PCDH11X: variants seen among roughly 807,000 people sequenced by gnomAD.
The protein encoded by PCDH11X is protocadherin-11 X-linked.
In PCDH11X, 18 loss-of-function variants were observed where a neutral mutation model predicts 53.3. The observed-to-expected ratio is 0.34, with a 90% CI of 0.23 to 0.50. PCDH11X has a LOEUF of 0.50. PCDH11X is among the 20% of genes least tolerant of loss of function. The probability of loss-of-function intolerance (pLI) is 0.98; values close to 1 mark genes in which losing one functional copy is unlikely to be tolerated. For missense variants in PCDH11X, 570 were observed against 1,032.4 expected (o/e 0.55, Z 6.14); for synonymous variants, 279 against 393.3 (o/e 0.71, Z 3.44).
At chrX:92,365,577 A>G (rs1193235003) in intron 8 of PCDH11X, among the ~76,000 whole-genome samples, 2 of 111,194 alleles carry the variant, frequency 1.8e-5, no homozygotes, top group Non-Finnish European at 3.8e-5. Flanking sequence ...CCACAAACAC[A>G]TGAGTAATGC....
intron 6 of PCDH11X, among the ~76,000 whole-genome samples, chrX:91,988,849 C>T (rs967052831): frequency 3.6e-5 from 4 of 111,600 alleles, no homozygotes; most frequent in Non-Finnish European, 7.5e-5. Flanking sequence ...TTATACTACT[C>T]AATGTGAATA....
intron 8 of PCDH11X, among the ~76,000 whole-genome samples, chrX:92,298,833 C>T (rs6522518): frequency 0.04 from 4,410 of 111,168 alleles, 98 homozygotes; most frequent in South Asian, 0.086. Flanking sequence ...GGGACAAGGC[C>T]TGAAAAATAT....
intron 8 of PCDH11X, among the ~76,000 whole-genome samples, chrX:92,354,840 A>T (rs5984934): frequency 0.02 from 2,256 of 111,681 alleles, 54 homozygotes; most frequent in African/African-American, 0.068. Context: ...GAAATTCAGC[A>T]TCATAAAGCT....
At chrX:92,165,676 C>T (rs2065721366) in intron 6 of PCDH11X, among the ~76,000 whole-genome samples, 1 of 111,667 alleles carries the variant, frequency 9.0e-6, no homozygotes. Context: ...CAATTTAAAA[C>T]TGGTCCATGT....
chrX:92,617,576 T>C (rs1485371821), intron 10 of PCDH11X, among the ~76,000 whole-genome samples: 1 of 110,046 alleles, frequency 9.1e-6, no homozygotes, highest in Non-Finnish European at 1.9e-5. Context: ...TGTATAATAT[T>C]TTTATTGATG....
chrX:92,142,370 G>GCACACA (rs201418320), intron 6 of PCDH11X, among the ~76,000 whole-genome samples: 35 of 95,575 alleles, frequency 3.7e-4, no homozygotes, highest in African/African-American at 6.8e-4. Context: ...GTGCGCGCGC[G>GCACACA]CACACACACA....
At chrX:92,181,561 T>C (rs2065998469) in intron 6 of PCDH11X, among the ~76,000 whole-genome samples, 1 of 111,548 alleles carries the variant, frequency 9.0e-6, no homozygotes, top group Admixed American at 9.5e-5. Context: ...CCCCTCCCAT[T>C]ACAGGCCCAG....
At chrX:92,414,027 G>A (rs941589686) in intron 9 of PCDH11X, among the ~76,000 whole-genome samples, 1 of 108,226 alleles carries the variant, frequency 9.2e-6, no homozygotes, top group Non-Finnish European at 1.9e-5. Context: ...AGGAAGAAGT[G>A]CTGGTCTGTT....
intron 9 of PCDH11X, among the ~76,000 whole-genome samples, chrX:92,392,879 A>G (rs1414074973): frequency 5.9e-4 from 64 of 107,750 alleles, no homozygotes; most frequent in Non-Finnish European, 1.2e-3. Context: ...TCAAGGAGAA[A>G]ATATGATTCA....
chrX:92,315,831 T>C (rs986157710), intron 8 of PCDH11X, among the ~76,000 whole-genome samples: 14 of 109,862 alleles, frequency 1.3e-4, no homozygotes, highest in African/African-American at 4.3e-4. Context: ...CCACCACCCC[T>C]GGCCTGAATT....
chrX:92,213,414 C>A (rs1308861260), intron 7 of PCDH11X, among the ~76,000 whole-genome samples: 1 of 111,655 alleles, frequency 9.0e-6, no homozygotes, highest in African/African-American at 3.3e-5. Context: ...GAAACTGAGG[C>A]TCAGAGAGGT....
At chrX:91,863,565 C>T (rs1331407458) in intron 5 of PCDH11X, among the ~76,000 whole-genome samples, 2 of 111,499 alleles carry the variant, frequency 1.8e-5, no homozygotes, top group Non-Finnish European at 3.8e-5. Flanking sequence ...CATTCTTTGT[C>T]TTTTAATTGA....
intron 6 of PCDH11X, among the ~76,000 whole-genome samples, chrX:92,137,924 G>T (rs1219105338): frequency 4.6e-5 from 5 of 108,206 alleles, no homozygotes; most frequent in Non-Finnish European, 9.6e-5. Context: ...CTGTGCCATG[G>T]TGGTTTGCTG....
rs765498191 is a variant in PCDH11X at position 92,476,186 on chromosome X, A to G, written c.3367+7864A>G. 4.0e-4 allele frequency among the ~76,000 whole-genome samples: 38 copies of G among 95,851 alleles called. 1 individual carries two copies. Among genetic ancestry groups the G allele is most frequent in the Admixed American group, 1.3e-3 (12 of 9,254 alleles). The allele number at this position is 95,851 out of a possible 115,157, so 83.2% of individuals were successfully genotyped here. ...TCTCTCTTTCCTGCTGCCATGTGAG[A>G]TGTAACTTTGCTCTTCCTTGCCTTC... On this transcript the variant is annotated intron_variant, in intron 10 of 10. Coordinates refer to ENST00000682573, the MANE Select transcript of PCDH11X (RefSeq NM_032968.5).
intron 8 of PCDH11X, among the ~76,000 whole-genome samples, chrX:92,278,577 A>G (rs1328543630): frequency 2.7e-5 from 3 of 110,544 alleles, no homozygotes; most frequent in Non-Finnish European, 5.7e-5. Flanking sequence ...CAAGGTGCTC[A>G]GTGGGGGAGC....
chrX:92,352,417 T>C (rs892519500), intron 8 of PCDH11X, among the ~76,000 whole-genome samples: 1 of 111,808 alleles, frequency 8.9e-6, no homozygotes, highest in African/African-American at 3.3e-5. Context: ...TCTCCATAAA[T>C]TGGACTTCAC....
chrX:92,087,796 C>T (rs947652161), intron 6 of PCDH11X, among the ~76,000 whole-genome samples: 1 of 109,513 alleles, frequency 9.1e-6, no homozygotes, highest in South Asian at 3.9e-4. Flanking sequence ...TATATCATGT[C>T]GGATATCATT....
At chrX:92,597,749 G>C (rs1329926511) in intron 10 of PCDH11X, among the ~76,000 whole-genome samples, 1 of 111,127 alleles carries the variant, frequency 9.0e-6, no homozygotes, top group Non-Finnish European at 1.9e-5. Flanking sequence ...AACAAAACCG[G>C]AGGAATTATA....
intron 6 of PCDH11X, among the ~76,000 whole-genome samples, chrX:92,055,606 A>G (rs1402541077): frequency 1.8e-5 from 2 of 110,496 alleles, no homozygotes; most frequent in African/African-American, 6.6e-5. Flanking sequence ...GCAGGTTTGT[A>G]ACATAGGTAA....
Sources: gnomAD v4.1 joint callset for allele counts (sites outside exome capture counted in the v4.1 genomes callset) on GRCh38, gnomAD v4.1.1 for gene constraint, MANE v1.5 for transcripts, NCBI Gene and HGNC (gene_info 2026-07-23, HGNC 2026-07-21) for gene names.